VPS13B: variants seen among roughly 807,000 people sequenced by gnomAD.
VPS13B encodes the protein intermembrane lipid transfer protein VPS13B.
Under a neutral mutation model 426.4 loss-of-function variants are expected in VPS13B, and 285 were observed. The observed-to-expected ratio is 0.67, with a 90% CI of 0.61 to 0.74. VPS13B has a LOEUF of 0.74. VPS13B is among the 30% of genes least tolerant of loss of function. The pLI is 0.00. For synonymous variants in VPS13B, 1,676 were observed against 1,676.4 expected (o/e 1.00, Z 0.01); for missense variants, 4,537 against 4,782.6 (o/e 0.95, Z 1.51).
At chr8:99,245,730 G>C (rs1308698563) in intron 17 of VPS13B, among the ~76,000 whole-genome samples, 4 of 152,180 alleles carry the variant, frequency 2.6e-5, no homozygotes, top group Non-Finnish European at 4.4e-5. Context: ...TTTTAGTACA[G>C]ATAGGGTTTT....
chr8:99,244,406 T>C (rs1817092863), intron 17 of VPS13B, among the ~76,000 whole-genome samples: 1 of 152,240 alleles, frequency 6.6e-6, no homozygotes, highest in Non-Finnish European at 1.5e-5. Context: ...AATTTGTAGA[T>C]GTTGGAATTT....
Position 99,156,644 on chromosome 8 carries a change from A to C in VPS13B, c.2109A>C (p.Ser703=), listed in dbSNP as rs1269866492. ...TGGATAAAATTAATCTGGAACATTCAGTGCCAATGTATGCTGAACAGTTGG... is the reference window on the plus strand; with the variant it reads ...TGGATAAAATTAATCTGGAACATTCCGTGCCAATGTATGCTGAACAGTTGG... ...ILVDKINLEH[S]VPMYAEQLVH... is the part of the protein sequence containing the mutation. The change falls in exon 15 of 62, where the codon TCA becomes TCC. Residue 703 remains serine, a synonymous_variant. Transcript: ENST00000357162. The C allele has an allele frequency of 6.2e-7, 1 of 1,613,988 alleles. No homozygotes were observed. Among genetic ancestry groups the C allele is most frequent in the African/African-American group, 1.3e-5 (1 of 74,950 alleles).
At chr8:99,029,176 G>T (rs1045947730) in intron 2 of VPS13B, among the ~76,000 whole-genome samples, 7 of 147,834 alleles carry the variant, frequency 4.7e-5, no homozygotes, top group African/African-American at 1.8e-4. Context: ...CATCTCAGAC[G>T]ATGGGCGGCC....
At chr8:99,136,333 C>A (rs1810067917) in intron 11 of VPS13B, among the ~76,000 whole-genome samples, 1 of 151,820 alleles carries the variant, frequency 6.6e-6, no homozygotes, top group Non-Finnish European at 1.5e-5. Context: ...AGGATTAATT[C>A]TATTTGAGAG....
At chr8:99,089,199 A>G (rs1383971753) in intron 3 of VPS13B, among the ~76,000 whole-genome samples, 1 of 152,182 alleles carries the variant, frequency 6.6e-6, no homozygotes, top group Non-Finnish European at 1.5e-5. Flanking sequence ...TCTTGCATTC[A>G]TAGAGTCGAT....
intron 33 of VPS13B, among the ~76,000 whole-genome samples, chr8:99,613,151 A>G (rs1401976432): frequency 1.3e-5 from 2 of 152,222 alleles, no homozygotes; most frequent in Non-Finnish European, 2.9e-5. Context: ...ACAAGTTCAA[A>G]GTCTGATTCA....
chr8:99,567,482 T>TTG (rs1314230070), intron 31 of VPS13B, among the ~76,000 whole-genome samples: 1 of 151,610 alleles, frequency 6.6e-6, no homozygotes, highest in Non-Finnish European at 1.5e-5. Context: ...TGTTGGTGTT[T>TTG]TTTTTTTTTC....
At chr8:99,834,098 G>A (rs1335029169) in intron 52 of VPS13B, among the ~76,000 whole-genome samples, 1 of 152,210 alleles carries the variant, frequency 6.6e-6, no homozygotes, top group Non-Finnish European at 1.5e-5. Flanking sequence ...CAATCTTTGG[G>A]AAGTACTCAC....
In VPS13B at chr8:99,799,886, C is replaced by G. The variant is rs141370098; in HGVS notation, c.7942-9489C>G. On this transcript the variant is annotated intron_variant, in intron 43 of 61. Transcript: ENST00000357162. ...ACAAACAAAACCTGACAATTTGACT[C>G]CCAGAATATTTATTCAAATCCGAAT... is the stretch of plus-strand genomic sequence containing the variant. Among the ~76,000 whole-genome samples the G allele has an allele frequency of 2.0e-5, 3 of 152,274 alleles. No homozygotes were observed. In the East Asian group the frequency reaches 5.8e-4, roughly 29 times the overall value.
At chr8:99,212,198 G>A (rs1278249595) in intron 17 of VPS13B, among the ~76,000 whole-genome samples, 5 of 152,188 alleles carry the variant, frequency 3.3e-5, no homozygotes, top group East Asian at 1.9e-4. Flanking sequence ...TGGCCCAGTC[G>A]TGCAATTTTG....
At chr8:99,113,075 C>G (rs1023579539) in intron 6 of VPS13B, among the ~76,000 whole-genome samples, 4 of 150,164 alleles carry the variant, frequency 2.7e-5, no homozygotes, top group African/African-American at 9.8e-5. Flanking sequence ...TTTCCCTCCC[C>G]TCTCCTCCGC....
intron 33 of VPS13B, among the ~76,000 whole-genome samples, chr8:99,625,087 A>G (rs1828553219): frequency 6.6e-6 from 1 of 152,092 alleles, no homozygotes; most frequent in Non-Finnish European, 1.5e-5. Flanking sequence ...AGCCTCCCAA[A>G]GTGCTGGGAT....
At chr8:99,647,646 AAT>A (rs920242155) in intron 34 of VPS13B, among the ~76,000 whole-genome samples, 1 of 152,130 alleles carries the variant, frequency 6.6e-6, no homozygotes, top group Non-Finnish European at 1.5e-5. Context: ...CTATAAAAAG[AAT>A]ATATGTCAAA....
intron 19 of VPS13B, among the ~76,000 whole-genome samples, chr8:99,349,757 C>T (rs1811770173): frequency 6.6e-6 from 1 of 152,082 alleles, no homozygotes; most frequent in Non-Finnish European, 1.5e-5. Flanking sequence ...TTAATGGTGG[C>T]TGTTTCTGGT....
chr8:99,170,018 C>G (rs1812234854), intron 15 of VPS13B, 21 bp from the exon 16 acceptor site: 1 of 1,611,568 alleles, frequency 6.2e-7, no homozygotes. Flanking sequence ...TGAACACTTG[C>G]ATCTTTTCTT....
chr8:99,301,216 A>G (rs2133071804), intron 19 of VPS13B, among the ~76,000 whole-genome samples: 1 of 151,640 alleles, frequency 6.6e-6, no homozygotes, highest in Admixed American at 6.6e-5. Context: ...CCTTGTTTCA[A>G]AAAAAAAATT....
At chr8:99,376,294 A>T (rs1813481682) in intron 19 of VPS13B, among the ~76,000 whole-genome samples, 1 of 152,218 alleles carries the variant, frequency 6.6e-6, no homozygotes, top group Middle Eastern at 3.2e-3. Context: ...CTATTTTTAA[A>T]GGTTGGTATC....
chr8:99,664,729 C>T (rs548923946), intron 35 of VPS13B, among the ~76,000 whole-genome samples: 2 of 152,262 alleles, frequency 1.3e-5, no homozygotes, highest in South Asian at 4.2e-4. Flanking sequence ...GTTGGACATT[C>T]AGGTTGGTTT....
intron 21 of VPS13B, among the ~76,000 whole-genome samples, chr8:99,413,676 AT>A (rs1588347639): frequency 3.3e-5 from 5 of 151,956 alleles, no homozygotes; most frequent in African/African-American, 1.2e-4. Context: ...TTCTGCCTTA[AT>A]TTTATTATTT....
Sources: gnomAD v4.1 joint callset for allele counts (sites outside exome capture counted in the v4.1 genomes callset) on GRCh38, gnomAD v4.1.1 for gene constraint, MANE v1.5 for transcripts, NCBI Gene and HGNC (gene_info 2026-07-23, HGNC 2026-07-21) for gene names.